XKR9: variants seen among roughly 807,000 people sequenced by gnomAD.
XKR9 encodes the protein XK related 9.
In XKR9, 32 loss-of-function variants were observed where a neutral mutation model predicts 32.0. The ratio of observed to expected loss-of-function variants is 1.00; its 90% confidence interval spans 0.76 to 1.34. XKR9 has a LOEUF of 1.34. Ranked by LOEUF, XKR9 falls within the 40% of genes most tolerant of loss-of-function variation. The pLI, the probability that XKR9 is intolerant of heterozygous loss-of-function variation, is 0.00. For missense variants in XKR9, 546 were observed against 429.7 expected, an observed-to-expected ratio of 1.27 and a Z score of -2.39; for synonymous variants, 168 against 143.4, an observed-to-expected ratio of 1.17 and a Z score of -1.22.
At chr8:70,856,551 T>C in the XKR9 span, among the ~76,000 whole-genome samples, 1 of 152,058 alleles carries the variant, frequency 6.6e-6, no homozygotes, top group Non-Finnish European at 1.5e-5. Flanking sequence ...ACTGTCAACT[T>C]TAGACAGATC....
chr8:70,799,467 A>G, the XKR9 span, among the ~76,000 whole-genome samples: 1 of 152,034 alleles, frequency 6.6e-6, no homozygotes, highest in African/African-American at 2.4e-5. Context: ...AGTAGCTGGG[A>G]CTACTGGTGC....
chr8:70,967,135 T>C, the XKR9 span, among the ~76,000 whole-genome samples: 50 of 148,702 alleles, frequency 3.4e-4, no homozygotes, highest in Admixed American at 2.9e-3. Flanking sequence ...CGATCTTGGC[T>C]CACTGCAAGC....
At chr8:70,881,427 A>G in the XKR9 span, among the ~76,000 whole-genome samples, 4 of 151,844 alleles carry the variant, frequency 2.6e-5, no homozygotes, top group Non-Finnish European at 4.4e-5. Flanking sequence ...TTACAAGAAA[A>G]AAACAACCCC....
At chr8:70,707,739 T>G (rs1805770134) in intron 4 of XKR9, among the ~76,000 whole-genome samples, 1 of 152,052 alleles carries the variant, frequency 6.6e-6, no homozygotes, top group African/African-American at 2.4e-5. Context: ...GTGTAAATGC[T>G]AAAAAACTAA....
At chr8:70,795,096 C>T (rs1378426120), downstream of XKR9, among the ~76,000 whole-genome samples, 1 of 151,802 alleles carries the variant, frequency 6.6e-6, no homozygotes, top group Admixed American at 6.6e-5. Flanking sequence ...GCTTAGTACC[C>T]ATTAGTTATT....
intron 2 of XKR9, among the ~76,000 whole-genome samples, chr8:70,748,541 C>T (rs973443941): frequency 2.6e-5 from 4 of 152,188 alleles, no homozygotes; most frequent in South Asian, 2.1e-4. Flanking sequence ...TACTGACAAG[C>T]GTGGGAGGGA....
the XKR9 span, among the ~76,000 whole-genome samples, chr8:71,021,498 C>CTT: frequency 0.022 from 2,239 of 101,336 alleles, 40 homozygotes; most frequent in Non-Finnish European, 0.03. Context: ...TTGATGGTTT[C>CTT]TTTTTTTTTT....
At chr8:70,859,814 T>C in the XKR9 span, among the ~76,000 whole-genome samples, 1 of 152,108 alleles carries the variant, frequency 6.6e-6, no homozygotes, top group Non-Finnish European at 1.5e-5. Flanking sequence ...AGTAGAATGA[T>C]AGCTACCAGA....
the XKR9 span, among the ~76,000 whole-genome samples, chr8:70,856,335 T>C: frequency 3.3e-5 from 5 of 152,278 alleles, no homozygotes; most frequent in African/African-American, 1.2e-4. Context: ...TCCTAGTCTC[T>C]GATAAAACAG....
chr8:70,722,088 A>T (rs1337962144), intron 4 of XKR9, among the ~76,000 whole-genome samples: 13 of 151,610 alleles, frequency 8.6e-5, no homozygotes, highest in African/African-American at 2.9e-4. Flanking sequence ...TGTTGGTTTA[A>T]AGTCTATTTT....
At chr8:70,887,527 T>G in the XKR9 span, among the ~76,000 whole-genome samples, 3 of 152,218 alleles carry the variant, frequency 2.0e-5, no homozygotes, top group African/African-American at 7.2e-5. Flanking sequence ...GTATGGCCAT[T>G]TTCACGATAT....
chr8:70,759,774 T>C (rs940127643), intron 2 of XKR9, among the ~76,000 whole-genome samples: 1 of 152,212 alleles, frequency 6.6e-6, no homozygotes, highest in Non-Finnish European at 1.5e-5. Flanking sequence ...AACCCATAAC[T>C]GGGGTTCCAA....
chr8:70,696,093 G>C lies in XKR9; in HGVS notation c.273-10840G>C, dbSNP rs558461265. ...GATTCTGGATATTAGCCCTTTGTCA[G>C]ATGAGTAGGTTGCAAAAATTTTCTC... On this transcript the variant is annotated intron_variant, in intron 3 of 4. Coordinates refer to ENST00000408926, the MANE Select transcript of XKR9 (RefSeq NM_001011720.2). Among the ~76,000 whole-genome samples, 624 of 151,462 alleles carry C rather than the reference G, an allele frequency of 4.1e-3. 7 individuals are homozygous for C. Among genetic ancestry groups the C allele is most frequent in the African/African-American group, 0.014 (594 of 41,408 alleles).
the XKR9 span, among the ~76,000 whole-genome samples, chr8:71,038,240 TCTTTCTTTCTCTTTCTTC>T: frequency 6.6e-6 from 1 of 152,010 alleles, no homozygotes; most frequent in Non-Finnish European, 1.5e-5. Context: ...TTTCTCTTTT[TCTTTCTTTCTCTTTCTTC>T]CTTTCTTTCT....
At chr8:70,853,297 G>A in the XKR9 span, among the ~76,000 whole-genome samples, 1 of 151,376 alleles carries the variant, frequency 6.6e-6, no homozygotes, top group Non-Finnish European at 1.5e-5. Flanking sequence ...ATGGATAATG[G>A]GTAAAAAAAA....
At chr8:71,038,897 C>T in the XKR9 span, among the ~76,000 whole-genome samples, 74 of 151,110 alleles carry the variant, frequency 4.9e-4, no homozygotes, top group African/African-American at 1.7e-3. Context: ...CTCCACCTCC[C>T]GGGTTCAAGA....
intron 3 of XKR9, among the ~76,000 whole-genome samples, chr8:70,700,236 C>A (rs62530786): frequency 0.073 from 11,062 of 152,264 alleles, 488 homozygotes; most frequent in Non-Finnish European, 0.089. Context: ...GAACTGCGTT[C>A]CTTTGGAGGA....
chr8:71,054,061 A>G, the XKR9 span, among the ~76,000 whole-genome samples: 1 of 152,224 alleles, frequency 6.6e-6, no homozygotes, highest in Admixed American at 6.5e-5. Context: ...TGAACCCCAG[A>G]TAACTGCAGC....
At chr8:70,956,848 G>A in the XKR9 span, among the ~76,000 whole-genome samples, 1 of 152,208 alleles carries the variant, frequency 6.6e-6, no homozygotes, top group African/African-American at 2.4e-5. Flanking sequence ...TTTCAAGCCT[G>A]CAGGGTCAGG....
Sources: allele counts gnomAD v4.1 joint callset (sites outside exome capture counted in the v4.1 genomes callset), GRCh38; gene constraint gnomAD v4.1.1; transcripts MANE v1.5; gene names NCBI Gene and HGNC (gene_info 2026-07-23, HGNC 2026-07-21).